Variants in FRAS1 observed in about 807,000 individuals in gnomAD.
FRAS1 encodes extracellular matrix organizing protein FRAS1.
Under a neutral mutation model 435.2 loss-of-function variants are expected in FRAS1, and 290 were observed. The observed-to-expected ratio is 0.67, with a 90% CI of 0.61 to 0.73. The LOEUF (loss-of-function observed/expected upper bound fraction) is 0.73, where lower values mean the gene tolerates loss of function less well. Ranked by LOEUF, FRAS1 falls within the 30% of genes least tolerant of loss-of-function variation. FRAS1 has a pLI of 0.00. For missense variants in FRAS1, 4,860 were observed against 5,001.5 expected (o/e 0.97, Z 0.85); for synonymous variants, 1,800 against 1,851.0 (o/e 0.97, Z 0.71).
At chr4:78,246,432 C>G (rs1725252532) in intron 4 of FRAS1, among the ~76,000 whole-genome samples, 1 of 152,180 alleles carries the variant, frequency 6.6e-6, no homozygotes, top group Non-Finnish European at 1.5e-5. Context: ...AAGGAAGCCA[C>G]TCTTTCACTT....
Position 78,244,903 on chromosome 4 carries a change from T to C in FRAS1, c.217-330T>C, listed in dbSNP as rs916912441. Reference sequence around the variant, plus strand: ...GTGGCCATCCCCCACCTGAGTCTTCTGCCTCTTCCCAGCAGGAGAAAACTG... The same window carrying C: ...GTGGCCATCCCCCACCTGAGTCTTCCGCCTCTTCCCAGCAGGAGAAAACTG... On this transcript the variant is annotated intron_variant, in intron 3 of 73. Coordinates refer to ENST00000512123, the MANE Select transcript of FRAS1 (RefSeq NM_025074.7). Among the ~76,000 whole-genome samples the C allele has an allele frequency of 3.3e-5, 5 of 152,302 alleles. No homozygotes were observed. In the South Asian group the frequency reaches 1.0e-3, roughly 32 times the overall value.
chr4:78,225,347 C>T (rs1724224067), intron 2 of FRAS1, among the ~76,000 whole-genome samples: 1 of 152,150 alleles, frequency 6.6e-6, no homozygotes. Context: ...TGCAATCCAT[C>T]TCAAGATTAT....
At position 78,372,840 on chromosome 4, in the gene FRAS1, G is replaced by C; in HGVS notation, c.2992G>C (p.Asp998His). 1.2e-6 allele frequency: 2 copies of C among 1,612,712 alleles called. No homozygotes were observed. Among genetic ancestry groups the C allele is most frequent in the Non-Finnish European group, 1.7e-6 (2 of 1,179,668 alleles). The part of the protein sequence containing the change: ...VEQCLSSFYQ[D>H]SGLCKNCDSY... ...GCAGTGCTTGTCATCATTTTACCAG[G>C]ACTCGGGCCTCTGCAAGAGTAAGTG... The change falls in exon 24 of 74, where the codon GAC (aspartate) becomes CAC (histidine). Residue 998 changes from aspartate to histidine, a missense_variant. Physicochemically the swap from Asp to His is moderately conservative, Grantham distance 81. Transcript: ENST00000512123.
intron 6 of FRAS1, among the ~76,000 whole-genome samples, chr4:78,258,629 T>TC (rs983588498): frequency 6.7e-6 from 1 of 148,460 alleles, no homozygotes; most frequent in Non-Finnish European, 1.5e-5. Context: ...TTTTCTTTTT[T>TC]TTTTTTTAGA....
chr4:78,320,464 C>A (rs1055282347), intron 18 of FRAS1, among the ~76,000 whole-genome samples: 2 of 152,076 alleles, frequency 1.3e-5, no homozygotes, highest in East Asian at 3.9e-4. Context: ...CATTTTTCTC[C>A]TCTGTTTAAT....
chr4:78,373,111 G>A (rs1413425984), intron 24 of FRAS1, among the ~76,000 whole-genome samples: 1 of 152,090 alleles, frequency 6.6e-6, no homozygotes, highest in Non-Finnish European at 1.5e-5. Context: ...ACAGGTATGT[G>A]TTAGCTGTTA....
At chr4:78,311,455 T>G (rs1275005775) in intron 15 of FRAS1, among the ~76,000 whole-genome samples, 2 of 152,140 alleles carry the variant, frequency 1.3e-5, no homozygotes, top group African/African-American at 4.8e-5. Context: ...GCCCCCGTCA[T>G]ATTACCCATC....
At chr4:78,469,664 A>G (rs1376109082) in intron 50 of FRAS1, among the ~76,000 whole-genome samples, 2 of 152,148 alleles carry the variant, frequency 1.3e-5, no homozygotes, top group Admixed American at 6.5e-5. Flanking sequence ...GCAGTATCGA[A>G]CTCAACTAAA....
intron 67 of FRAS1, 59 bp downstream of exon 67, chr4:78,519,540 AAAG>A (rs1721323655): frequency 2.6e-6 from 4 of 1,559,336 alleles, no homozygotes; most frequent in Non-Finnish European, 3.5e-6. Context: ...AGCAAGATTA[AAAG>A]AAGAGTAGTG....
chr4:78,267,348 G>A lies in FRAS1; in HGVS notation c.897G>A (p.Lys299=), dbSNP rs1726415621. 2.5e-6 allele frequency: 4 copies of A among 1,613,766 alleles called. No individual in the cohort carries two copies. The highest frequency in any genetic ancestry group is 1.3e-5 in the African/African-American group (1 of 74,928). Residue 299 remains lysine, a synonymous_variant, in exon 9 of 74, where the codon AAG becomes AAA. Transcript: ENST00000512123. Reference sequence around the variant, plus strand: ...TGCGGTACCAGGACGAAATGTGGAAGGGCTCGGCCTGTGAGTTCTGCATGT... The same window carrying A: ...TGCGGTACCAGGACGAAATGTGGAAAGGCTCGGCCTGTGAGTTCTGCATGT... ...GVVRYQDEMW[K]GSACEFCMCD...
At chr4:78,443,230 T>A (rs1186326949) in intron 41 of FRAS1, among the ~76,000 whole-genome samples, 3 of 152,148 alleles carry the variant, frequency 2.0e-5, no homozygotes. Flanking sequence ...TGGTGGCACA[T>A]GCCTGTAGTC....
intron 22 of FRAS1, among the ~76,000 whole-genome samples, chr4:78,365,737 TAA>T (rs531246410): frequency 7.6e-6 from 1 of 132,146 alleles, no homozygotes; most frequent in East Asian, 2.1e-4. Flanking sequence ...TCTAGTACAT[TAA>T]AAAAAAAAAA....
At position 78,116,144 on chromosome 4, in the gene FRAS1, G is replaced by A. The variant is rs543214807; in HGVS notation, c.108+50128G>A. 1.7e-3 allele frequency among the ~76,000 whole-genome samples: 263 copies of A among 152,338 alleles called. 3 individuals carry two copies. Among genetic ancestry groups the A allele is most frequent in the Non-Finnish European group, 5.6e-4 (38 of 68,030 alleles). On this transcript the variant is annotated intron_variant, in intron 2 of 73. Coordinates refer to ENST00000512123, the MANE Select transcript of FRAS1 (RefSeq NM_025074.7). ...TTTCCATGTAGTTGAGCAGTTTTGA[G>A]TGAGTGTCTTAATCCTGAGTTCTAG...
At chr4:78,539,231 C>G (rs1182888706) in intron 72 of FRAS1, 63 bp from the exon 73 acceptor site, 9 of 1,523,672 alleles carry the variant, frequency 5.9e-6, no homozygotes, top group Non-Finnish European at 8.0e-6. Flanking sequence ...CCAGTCACTG[C>G]CACCTACCAA....
chr4:78,423,963 G>T (rs1036232505), intron 34 of FRAS1, among the ~76,000 whole-genome samples: 3 of 152,166 alleles, frequency 2.0e-5, no homozygotes, highest in African/African-American at 7.2e-5. Context: ...GATAAATGCT[G>T]CAAGATAAAT....
chr4:78,168,335 C>T (rs925368695), intron 2 of FRAS1, among the ~76,000 whole-genome samples: 3 of 152,094 alleles, frequency 2.0e-5, no homozygotes, highest in Admixed American at 2.0e-4. Context: ...TTTCCCTCAG[C>T]TGCTCCTTGA....
rs567150926 is a variant in FRAS1 at position 78,315,750 on chromosome 4, C to CCAT, written c.1819+28_1819+30dup. On this transcript the variant is annotated intron_variant, in intron 16 of 73. Transcript: ENST00000512123. ...AGGTGCAAAGGTAAGAGATGGGTCA[C>CCAT]CATCATCATCATCAAAAAGTATTGA... 1.9e-6 allele frequency: 3 copies of CCAT among 1,613,358 alleles called. No homozygotes were observed. Among genetic ancestry groups the CCAT allele is most frequent in the Admixed American group, 1.7e-5 (1 of 59,970 alleles).
At chr4:78,171,900 A>G (rs1721577182) in intron 2 of FRAS1, among the ~76,000 whole-genome samples, 7 of 151,664 alleles carry the variant, frequency 4.6e-5, no homozygotes. Context: ...GCCCCATCCC[A>G]TCTTGCTAGC....
intron 2 of FRAS1, among the ~76,000 whole-genome samples, chr4:78,148,139 AT>A (rs562765944): frequency 1.3e-4 from 20 of 149,752 alleles, no homozygotes; most frequent in Non-Finnish European, 2.5e-4. Context: ...GGGATTGTTG[AT>A]TTTTTTTTTA....
Sources: gnomAD v4.1 joint callset for allele counts (sites outside exome capture counted in the v4.1 genomes callset) on GRCh38, gnomAD v4.1.1 for gene constraint, MANE v1.5 for transcripts, NCBI Gene and HGNC (gene_info 2026-07-23, HGNC 2026-07-21) for gene names.